The following SMIM7 variants were observed in gnomAD, a reference collection of about 807,000 sequenced individuals.
SMIM7 encodes the protein small integral membrane protein 7.
In SMIM7, 12 loss-of-function variants were observed where a neutral mutation model predicts 13.3. That is an observed-to-expected ratio of 0.90 (90% CI 0.58 to 1.46). SMIM7 has a LOEUF of 1.46. SMIM7 is among the 40% of genes most tolerant of loss of function. The pLI is 0.00. For missense variants in SMIM7, 114 were observed against 94.8 expected, an observed-to-expected ratio of 1.20 and a Z score of -0.84; for synonymous variants, 36 against 35.8, an observed-to-expected ratio of 1.01 and a Z score of -0.02.
At chr19:16,643,097 T>G (rs934493361), downstream of SMIM7, among the ~76,000 whole-genome samples, 2 of 151,852 alleles carry the variant, frequency 1.3e-5, no homozygotes, top group Non-Finnish European at 2.9e-5. Context: ...CCACCGCACC[T>G]GGCCAAGTGA....
At position 16,660,073 on chromosome 19, in the gene SMIM7, C is replaced by A. The variant is rs777111974; in HGVS notation, c.26+12G>T. 2 of 1,614,194 alleles carry A rather than the reference C, an allele frequency of 1.2e-6. No homozygotes were observed. Among genetic ancestry groups the A allele is most frequent in the Admixed American group, 3.3e-5 (2 of 60,030 alleles). ...TGGCTCTCTCTTCCCAGCCTCTGGT[C>A]CCCCTAATTACCCGAACAGCAGGAT... is the stretch of plus-strand genomic sequence containing the variant. On this transcript the variant is annotated intron_variant, in intron 1 of 4. Coordinates refer to ENST00000487416, the MANE Select transcript of SMIM7 (RefSeq NM_024104.4).
At chr19:16,654,383 A>G (rs551068372) in intron 3 of SMIM7, among the ~76,000 whole-genome samples, 209 of 152,198 alleles carry the variant, frequency 1.4e-3, no homozygotes, top group African/African-American at 4.8e-3. Context: ...AGTCTGTCCA[A>G]TGAGAGTCCA....
At chr19:16,635,670 T>G (rs934953685) in intron 4 of SMIM7, among the ~76,000 whole-genome samples, 8 of 150,908 alleles carry the variant, frequency 5.3e-5, no homozygotes, top group African/African-American at 2.0e-4. Flanking sequence ...TCACTTGAGG[T>G]CAGGAGTTTG....
intron 3 of SMIM7, among the ~76,000 whole-genome samples, chr19:16,654,529 C>G (rs1413939788): frequency 6.6e-6 from 1 of 152,038 alleles, no homozygotes; most frequent in Non-Finnish European, 1.5e-5. Flanking sequence ...TTTGGATGGC[C>G]TATGAGCTAA....
At chr19:16,637,179 C>T (rs1469966977) in intron 4 of SMIM7, among the ~76,000 whole-genome samples, 4 of 152,140 alleles carry the variant, frequency 2.6e-5, no homozygotes, top group African/African-American at 7.2e-5. Context: ...AAAGTGTGGT[C>T]CGTGGACCAG....
chr19:16,630,977 G>C (rs2086317793), exon 5 of SMIM7: 1 of 152,090 alleles, frequency 6.6e-6, no homozygotes, highest in Non-Finnish European at 1.5e-5. Context: ...TGCTGTGATG[G>C]TTCGTCCTCA....
downstream of SMIM7, chr19:16,645,467 A>G (rs980634560): frequency 6.6e-6 from 1 of 152,198 alleles, no homozygotes; most frequent in Admixed American, 6.5e-5. Flanking sequence ...GATCTCTGCT[A>G]CTTACAGACC....
chr19:16,652,915 T>C (rs1274450372), intron 4 of SMIM7: 1 of 1,550,632 alleles, frequency 6.4e-7, no homozygotes, highest in Non-Finnish European at 8.7e-7. Flanking sequence ...ATCAGAGTTA[T>C]GGCCCCAGTG....
At chr19:16,646,059 C>G (rs2086446243), downstream of SMIM7, 1 of 151,412 alleles carries the variant, frequency 6.6e-6, no homozygotes, top group Non-Finnish European at 1.5e-5. Flanking sequence ...AAAATGAATC[C>G]TAGGTTTTTC....
In SMIM7 at chr19:16,638,732, C is replaced by A. The variant is rs1344485170; in HGVS notation, c.*138-7008G>T. The A allele has an allele frequency of 3.3e-5, 5 of 152,194 alleles. No homozygotes were observed. In the East Asian group the frequency reaches 9.6e-4, roughly 29 times the overall value. The allele number at this position is 152,194 out of a possible 1,614,324, so 9.4% of individuals were successfully genotyped here. A position where few individuals can be genotyped will look rare whatever the true frequency, so the allele number is the denominator to read the frequency against. On this transcript the variant is annotated intron_variant and NMD_transcript_variant, in intron 4 of 4. Transcript: ENST00000465250. ...GCTTGCAAAACCCAGCTGAGAAAGTCTTTTAATAAAAGCAACAACATTAAT... is the reference window on the plus strand; with the variant it reads ...GCTTGCAAAACCCAGCTGAGAAAGTATTTTAATAAAAGCAACAACATTAAT...
chr19:16,633,483 AG>A (rs1329673128), intron 4 of SMIM7, among the ~76,000 whole-genome samples: 1 of 150,640 alleles, frequency 6.6e-6, no homozygotes, highest in African/African-American at 2.5e-5. Flanking sequence ...AAAAAAAAAA[AG>A]GAAGAAATTC....
At chr19:16,635,720 A>C (rs1476654876) in intron 4 of SMIM7, among the ~76,000 whole-genome samples, 1 of 151,432 alleles carries the variant, frequency 6.6e-6, no homozygotes, top group Non-Finnish European at 1.5e-5. Flanking sequence ...CATCTCTAAG[A>C]GAACGACAAA....
chr19:16,648,251 A>C (rs1568302486), intron 4 of SMIM7, among the ~76,000 whole-genome samples: 9 of 151,592 alleles, frequency 5.9e-5, no homozygotes, highest in Admixed American at 3.3e-4. Context: ...AGCGATTCTC[A>C]TGCCTCAGCC....
intron 4 of SMIM7, among the ~76,000 whole-genome samples, chr19:16,635,691 G>T (rs1394623374): frequency 6.6e-6 from 1 of 151,662 alleles, no homozygotes; most frequent in Non-Finnish European, 1.5e-5. Flanking sequence ...AGACCAGCCT[G>T]GCCAACATGG....
Position 16,659,385 on chromosome 19 carries a change from T to C in SMIM7, c.121+10A>G, listed in dbSNP as rs141398952. 6.2e-7 allele frequency: 1 copy of C among 1,613,406 alleles called. No homozygotes were observed. Among genetic ancestry groups the C allele is most frequent in the Non-Finnish European group, 8.5e-7 (1 of 1,179,750 alleles). ...GGACCATGCAATTCCAGGATCCAAT[T>C]AGACCTTACCTGTGCTGGGCTCCCT... is the stretch of plus-strand genomic sequence containing the variant. On this transcript the variant is annotated intron_variant, in intron 3 of 4. Coordinates refer to ENST00000487416, the MANE Select transcript of SMIM7 (RefSeq NM_024104.4).
chr19:16,659,626 C>T (rs2086645957), intron 2 of SMIM7, 179 bp from the exon 3 acceptor site: 1 of 703,282 alleles, frequency 1.4e-6, no homozygotes. Flanking sequence ...ACAATCACAG[C>T]CAGGTCAGCA....
intron 4 of SMIM7, chr19:16,652,617 C>T: frequency 6.2e-6 from 8 of 1,292,974 alleles, no homozygotes; most frequent in Non-Finnish European, 7.9e-6. Flanking sequence ...TGGCAACAGT[C>T]TTCCTGGGAA....
At chr19:16,637,505 A>G (rs1364447409) in intron 4 of SMIM7, among the ~76,000 whole-genome samples, 2 of 152,204 alleles carry the variant, frequency 1.3e-5, no homozygotes, top group African/African-American at 2.4e-5. Flanking sequence ...CAAAAAAGAA[A>G]AAGAAAAGAA....
chr19:16,645,743 C>A (rs926534430), downstream of SMIM7: 1 of 148,816 alleles, frequency 6.7e-6, no homozygotes, highest in Non-Finnish European at 1.5e-5. Flanking sequence ...CTCACTGCAA[C>A]CTCCGCCTCC....
Sources: allele counts gnomAD v4.1 joint callset (sites outside exome capture counted in the v4.1 genomes callset), GRCh38; gene constraint gnomAD v4.1.1; transcripts MANE v1.5; gene names NCBI Gene and HGNC (gene_info 2026-07-23, HGNC 2026-07-21).